Variants in SYNE2 observed in about 807,000 individuals in gnomAD.
SYNE2 encodes the protein spectrin repeat containing nuclear envelope protein 2, also known as nesprin-2.
SYNE2 carries 431 observed loss-of-function variants against 856.3 expected under a neutral mutation model. That is an observed-to-expected ratio of 0.50 (90% CI 0.47 to 0.55). The LOEUF (loss-of-function observed/expected upper bound fraction) is 0.55, where lower values mean the gene tolerates loss of function less well. Ranked by LOEUF, SYNE2 falls within the 20% of genes least tolerant of loss-of-function variation. The pLI is 0.00. For missense variants in SYNE2, 8,129 were observed against 8,023.2 expected, an observed-to-expected ratio of 1.01 and a Z score of -0.50; for synonymous variants, 2,923 against 2,872.3, an observed-to-expected ratio of 1.02 and a Z score of -0.56.
In SYNE2 at chr14:63,982,160, A is replaced by G. The variant is rs748640382; in HGVS notation, c.1837-470A>G. On this transcript the variant is annotated intron_variant, in intron 16 of 115. Coordinates refer to ENST00000555002, the MANE Select transcript of SYNE2 (RefSeq NM_182914.3). Reference sequence around the variant, plus strand: ...TACTAAGTTGTTGAACCTGACTACTAAAAATGGGAACTGTTAGATAATATT... The same window carrying G: ...TACTAAGTTGTTGAACCTGACTACTGAAAATGGGAACTGTTAGATAATATT... 2.0e-5 allele frequency among the ~76,000 whole-genome samples: 3 copies of G among 152,216 alleles called. No individual in the cohort carries two copies. In the South Asian group the frequency reaches 6.2e-4, roughly 31 times the overall value.
At chr14:63,913,415 T>A (rs1174650094) in intron 2 of SYNE2, among the ~76,000 whole-genome samples, 1 of 151,834 alleles carries the variant, frequency 6.6e-6, no homozygotes, top group Non-Finnish European at 1.5e-5. Flanking sequence ...CAGTACACAT[T>A]TTATTTATTC....
At chr14:63,817,870 A>G (rs1215337820) in intron 1 of SYNE2, among the ~76,000 whole-genome samples, 1 of 151,672 alleles carries the variant, frequency 6.6e-6, no homozygotes, top group Non-Finnish European at 1.5e-5. Context: ...GAAACAAATT[A>G]AAACATTAGT....
At chr14:64,031,490 C>G in intron 45 of SYNE2, 133 bp downstream of exon 45, 1 of 809,980 alleles carries the variant, frequency 1.2e-6, no homozygotes, top group Non-Finnish European at 2.0e-6. Flanking sequence ...ATTTATGAAG[C>G]CTACTTGTAA....
At chr14:64,157,013 C>T (rs1358358111) in intron 85 of SYNE2, among the ~76,000 whole-genome samples, 1 of 152,190 alleles carries the variant, frequency 6.6e-6, no homozygotes. Context: ...CCAAAACTCA[C>T]ATCACACTAC....
chr14:64,115,722 A>G (rs1444298786), intron 66 of SYNE2, among the ~76,000 whole-genome samples: 2 of 152,222 alleles, frequency 1.3e-5, no homozygotes, highest in African/African-American at 4.8e-5. Context: ...TGGGGCCAAC[A>G]TACAAAGGCA....
chr14:63,948,164 CAT>C lies in SYNE2; in HGVS notation c.409-1659_409-1658del, dbSNP rs1555393088. On this transcript the variant is annotated intron_variant, in intron 6 of 115. Coordinates refer to ENST00000555002, the MANE Select transcript of SYNE2 (RefSeq NM_182914.3). ...GCGCACATACACACACAGACACACA[CAT>C]ACACACACACACACACACACACACA... 7.4e-3 allele frequency among the ~76,000 whole-genome samples: 804 copies of C among 109,238 alleles called. 3 individuals are homozygous for C. The highest frequency in any genetic ancestry group is 0.019 in the African/African-American group (608 of 31,818). The allele number at this position is 109,238 out of a possible 152,430, so 71.7% of individuals were successfully genotyped here.
intron 34 of SYNE2, 108 bp downstream of exon 34, chr14:64,017,864 TC>T: frequency 9.1e-7 from 1 of 1,097,854 alleles, no homozygotes; most frequent in Non-Finnish European, 1.4e-6. Context: ...GACTTTGTTA[TC>T]AAGAAAATCA....
chr14:64,162,579 T>C, intron 88 of SYNE2: 1 of 424,828 alleles, frequency 2.4e-6, no homozygotes, highest in Non-Finnish European at 4.4e-6. Context: ...TAAAAGCAAG[T>C]GTCTCAACTG....
At chr14:63,798,903 G>A (rs1325277404) in intron 1 of SYNE2, among the ~76,000 whole-genome samples, 1 of 152,090 alleles carries the variant, frequency 6.6e-6, no homozygotes, top group African/African-American at 2.4e-5. Flanking sequence ...GTCCAAATGG[G>A]TTCTGTGGAT....
chr14:64,168,523 T>C (rs1234991275), intron 92 of SYNE2, among the ~76,000 whole-genome samples: 1 of 152,234 alleles, frequency 6.6e-6, no homozygotes, highest in Non-Finnish European at 1.5e-5. Flanking sequence ...AGTAAGTTAC[T>C]GAACCTCTTT....
chr14:64,064,999 G>T (rs930580168), intron 50 of SYNE2, among the ~76,000 whole-genome samples: 2 of 151,898 alleles, frequency 1.3e-5, no homozygotes, highest in African/African-American at 2.4e-5. Flanking sequence ...TGAGTAGCTG[G>T]GACTACAGGC....
intron 6 of SYNE2, among the ~76,000 whole-genome samples, chr14:63,942,449 G>T (rs1000121391): frequency 6.6e-6 from 1 of 152,088 alleles, no homozygotes; most frequent in Non-Finnish European, 1.5e-5. Context: ...CTCCTGAGTG[G>T]TTGGGACTAC....
At chr14:64,223,093 A>ATTCTGGAATTT in intron 112 of SYNE2, 96 bp from the exon 113 acceptor site, 2 of 1,308,988 alleles carry the variant, frequency 1.5e-6, no homozygotes, top group Non-Finnish European at 2.2e-6. Context: ...CCCATCATTC[A>ATTCTGGAATTT]TTCTGGAATT....
chr14:64,163,680 C>T lies in SYNE2; in HGVS notation c.16479+99C>T, dbSNP rs2098347186. ...AAGCAGTAGTGCTTTACGGGCTGCT[C>T]CTTAGCAAAATTACAGACTGAAGCT... On this transcript the variant is annotated intron_variant, in intron 89 of 115. Coordinates refer to ENST00000555002, the MANE Select transcript of SYNE2 (RefSeq NM_182914.3). 9 of 1,416,492 alleles carry T rather than the reference C, an allele frequency of 6.4e-6. No individual in the cohort carries two copies. The South Asian group carries it at 7.2e-5, about 11-fold the overall frequency. The allele number at this position is 1,416,492 out of a possible 1,614,324, so 87.7% of individuals were successfully genotyped here.
rs991535484 is a variant in SYNE2 at position 64,214,181 on chromosome 14, T to C, written c.19057-13T>C. The C allele has an allele frequency of 3.7e-6, 6 of 1,614,090 alleles. No homozygotes were observed. The African/African-American group carries it at 8.0e-5, about 22-fold the overall frequency. On this transcript the variant is annotated splice_polypyrimidine_tract_variant and intron_variant, in intron 105 of 115. Transcript: ENST00000555002. ...GAGTTGATTAATTCTAACAACTGGA[T>C]ACTGTGGTTTAGGGCTTGGAAGATG... is the stretch of plus-strand genomic sequence containing the variant.
chr14:63,801,310 A>G (rs567310130), intron 1 of SYNE2, among the ~76,000 whole-genome samples: 1 of 152,342 alleles, frequency 6.6e-6, no homozygotes, highest in East Asian at 1.9e-4. Context: ...ACAAATCTCC[A>G]CTAAAGAACT....
At position 64,224,463 on chromosome 14, in the gene SYNE2, C is replaced by G. The variant is rs1280867370; in HGVS notation, c.20385C>G (p.Asn6795Lys). The G allele has an allele frequency of 8.1e-6, 13 of 1,610,140 alleles. No individual in the cohort carries two copies. Among genetic ancestry groups the G allele is most frequent in the Non-Finnish European group, 1.0e-5 (12 of 1,177,710 alleles). ...AACCTTTGGGGTCTGAATTTCAGAA[C>G]CCAGCCTCACCCCTGCCCAGCTTCG... is the stretch of plus-strand genomic sequence containing the variant. ...QDLMALQGTQ[N>K]PASPLPSFDE... Residue 6795 changes from asparagine to lysine, a missense_variant and splice_region_variant, in exon 114 of 116, where the codon AAC becomes AAG. Physicochemically the swap from Asn to Lys is moderately conservative, Grantham distance 94 (BLOSUM62 0). Transcript: ENST00000555002.
chr14:63,874,099 T>C (rs1484349249), intron 1 of SYNE2: 1 of 152,304 alleles, frequency 6.6e-6, no homozygotes, highest in Non-Finnish European at 1.5e-5. Context: ...TATCCTGCTG[T>C]CCTGGCTGTG....
chr14:63,823,537 A>G (rs1889307155), intron 1 of SYNE2, among the ~76,000 whole-genome samples: 1 of 152,096 alleles, frequency 6.6e-6, no homozygotes, highest in African/African-American at 2.4e-5. Context: ...CTCAAAAAAT[A>G]AAAGAGGAGG....
Sources: allele counts gnomAD v4.1 joint callset (sites outside exome capture counted in the v4.1 genomes callset), GRCh38; gene constraint gnomAD v4.1.1; transcripts MANE v1.5; gene names NCBI Gene and HGNC (gene_info 2026-07-23, HGNC 2026-07-21).